The following SUFU variants were observed in gnomAD, a reference collection of about 807,000 sequenced individuals.
SUFU encodes the protein SUFU negative regulator of hedgehog signaling, also known as suppressor of fused homolog.
In SUFU, 7 loss-of-function variants were observed where a neutral mutation model predicts 58.9. The observed-to-expected ratio is 0.12, with a 90% confidence interval of 0.07 to 0.22. SUFU has a LOEUF of 0.22. Ranked by LOEUF, SUFU falls within the 10% of genes least tolerant of loss-of-function variation. The pLI is 1.00. For synonymous variants in SUFU, 232 were observed against 254.8 expected (o/e 0.91, Z 0.85); for missense variants, 451 against 641.3 (o/e 0.70, Z 3.20).
In SUFU at chr10:102,617,878, G is replaced by A. The variant is rs2135936529; in HGVS notation, c.1296+450G>A. ...TGTGTGCCTGGACCAGGGCTGGGCAGGCCTCAGTGGGAAGAGCCTCCCCTT... is the reference window on the plus strand; with the variant it reads ...TGTGTGCCTGGACCAGGGCTGGGCAAGCCTCAGTGGGAAGAGCCTCCCCTT... On this transcript the variant is annotated intron_variant, in intron 10 of 11. Transcript: ENST00000369902. This position sits in a 1 kb window ranked among gnomAD's most constrained non-coding sequence, Gnocchi z 4.4. 3.1e-6 allele frequency: 1 copy of A among 323,758 alleles called. No individual in the cohort carries two copies. The highest frequency in any genetic ancestry group is 5.1e-5 in the East Asian group (1 of 19,528). 20.1% of individuals were successfully genotyped at this position (323,758 alleles called of 1,614,324 possible).
intron 7 of SUFU, 86 bp downstream of exon 7, chr10:102,597,379 T>C: frequency 6.7e-7 from 1 of 1,487,202 alleles, no homozygotes; most frequent in Non-Finnish European, 9.0e-7. Context: ...GATGGGTCTC[T>C]AACAAAAACA....
At chr10:102,532,055 C>T (rs570716281) in intron 2 of SUFU, among the ~76,000 whole-genome samples, 4 of 152,098 alleles carry the variant, frequency 2.6e-5, no homozygotes, top group East Asian at 1.9e-4. Flanking sequence ...CTCTGCCTCC[C>T]GAGTTCAAGC....
intron 9 of SUFU, among the ~76,000 whole-genome samples, chr10:102,616,205 C>G (rs914435498): frequency 6.6e-6 from 1 of 152,246 alleles, no homozygotes; most frequent in African/African-American, 2.4e-5. Context: ...AAGCCCAGCC[C>G]TATGGCCAGA....
chr10:102,570,818 A>G (rs537764998), intron 3 of SUFU, among the ~76,000 whole-genome samples: 1 of 152,240 alleles, frequency 6.6e-6, no homozygotes, highest in Non-Finnish European at 1.5e-5. Context: ...GGTGGATTCT[A>G]TGTCTGTGTC....
At chr10:102,546,472 C>CTTCT (rs2062856692) in intron 2 of SUFU, among the ~76,000 whole-genome samples, 1 of 152,198 alleles carries the variant, frequency 6.6e-6, no homozygotes, top group African/African-American at 2.4e-5. Context: ...CAGATCCCAC[C>CTTCT]TTCTGCAGCA....
At chr10:102,558,660 CA>C (rs2063005542) in intron 3 of SUFU, among the ~76,000 whole-genome samples, 1 of 152,194 alleles carries the variant, frequency 6.6e-6, no homozygotes, top group Admixed American at 6.5e-5. Context: ...TCATCACTTC[CA>C]AGCACATGGA....
At chr10:102,562,652 A>AT (rs2063050226) in intron 3 of SUFU, among the ~76,000 whole-genome samples, 3 of 152,222 alleles carry the variant, frequency 2.0e-5, no homozygotes, top group Admixed American at 2.0e-4. Flanking sequence ...GCACTTTGGG[A>AT]GGCTGAAGCA....
At chr10:102,584,397 G>A (rs2063315215) in intron 3 of SUFU, among the ~76,000 whole-genome samples, 1 of 151,996 alleles carries the variant, frequency 6.6e-6, no homozygotes, top group Admixed American at 6.6e-5. Context: ...GCCCAGGCTG[G>A]TTTTGAACTC....
At chr10:102,582,887 C>CTG (rs1377129250) in intron 3 of SUFU, among the ~76,000 whole-genome samples, 2 of 152,164 alleles carry the variant, frequency 1.3e-5, no homozygotes, top group Non-Finnish European at 2.9e-5. Flanking sequence ...GGAGCCTCTG[C>CTG]TGTGTGGTTT....
intron 3 of SUFU, among the ~76,000 whole-genome samples, chr10:102,575,476 G>A (rs773617434): frequency 3.3e-5 from 5 of 152,164 alleles, no homozygotes; most frequent in Admixed American, 1.3e-4. Context: ...TGGCAAGGAG[G>A]CTGAACTTGC....
At chr10:102,532,858 G>C (rs745815890) in intron 2 of SUFU, among the ~76,000 whole-genome samples, 1 of 152,212 alleles carries the variant, frequency 6.6e-6, no homozygotes, top group Non-Finnish European at 1.5e-5. Context: ...CTGCAGATTG[G>C]GGATAGGGAT....
chr10:102,604,212 G>T (rs2135901245), intron 8 of SUFU, among the ~76,000 whole-genome samples: 1 of 152,338 alleles, frequency 6.6e-6, no homozygotes, highest in Middle Eastern at 3.4e-3. Context: ...ACTCTGCAGG[G>T]CTGATGAGAG....
intron 3 of SUFU, among the ~76,000 whole-genome samples, chr10:102,585,355 A>G (rs1026531231): frequency 2.0e-5 from 3 of 152,128 alleles, no homozygotes; most frequent in Non-Finnish European, 2.9e-5. Context: ...GGCTTTTTTC[A>G]CTTAGCATAA....
chr10:102,555,829 C>T (rs1338095605), intron 3 of SUFU, among the ~76,000 whole-genome samples: 1 of 152,216 alleles, frequency 6.6e-6, no homozygotes, highest in Non-Finnish European at 1.5e-5. Context: ...TGTGGTTACA[C>T]GCTACAAGAG....
intron 10 of SUFU, among the ~76,000 whole-genome samples, chr10:102,626,766 C>T (rs1250600969): frequency 6.6e-6 from 1 of 152,114 alleles, no homozygotes; most frequent in African/African-American, 2.4e-5. Flanking sequence ...CGGTGAGGGG[C>T]AGAGGGGGAC....
intron 8 of SUFU, among the ~76,000 whole-genome samples, chr10:102,603,347 C>T (rs1240915359): frequency 6.6e-6 from 1 of 152,072 alleles, no homozygotes; most frequent in Non-Finnish European, 1.5e-5. Flanking sequence ...TAAACTGTTG[C>T]TCAGATGCTG....
At chr10:102,618,795 C>T (rs2063711898) in intron 10 of SUFU, 2 of 540,512 alleles carry the variant, frequency 3.7e-6, no homozygotes, top group African/African-American at 1.9e-5. Flanking sequence ...AGCCATGTCC[C>T]GGGCTGCTGC....
chr10:102,574,518 C>G (rs1195923694), intron 3 of SUFU, among the ~76,000 whole-genome samples: 1 of 152,108 alleles, frequency 6.6e-6, no homozygotes, highest in Non-Finnish European at 1.5e-5. Context: ...GAGGCTAAGA[C>G]GAGAGGATTG....
chr10:102,548,939 T>G (rs2062881232), intron 2 of SUFU, among the ~76,000 whole-genome samples: 1 of 152,182 alleles, frequency 6.6e-6, no homozygotes, highest in African/African-American at 2.4e-5. Flanking sequence ...CCCATGCATC[T>G]CTAGGGTTCC....
Sources: allele counts gnomAD v4.1 joint callset (sites outside exome capture counted in the v4.1 genomes callset), GRCh38; gene constraint gnomAD v4.1.1; non-coding constraint Gnocchi (gnomAD v3.1); transcripts MANE v1.5; gene names NCBI Gene and HGNC (gene_info 2026-07-23, HGNC 2026-07-21).